The following EFNA5 variants were observed in gnomAD, a reference collection of about 807,000 sequenced individuals.
EFNA5 encodes ephrin-A5.
EFNA5 carries 5 observed loss-of-function variants against 22.9 expected under a neutral mutation model. That is an observed-to-expected ratio of 0.22 (90% confidence interval 0.11 to 0.46). The LOEUF (loss-of-function observed/expected upper bound fraction) is 0.46. Among genes scored for constraint, EFNA5 ranks in the 20% least tolerant of loss-of-function variants. The pLI, the probability that EFNA5 is intolerant of heterozygous loss-of-function variation, is 0.99. For missense variants in EFNA5, 237 were observed against 293.3 expected, an observed-to-expected ratio of 0.81 and a Z score of 1.40; for synonymous variants, 113 against 112.2, an observed-to-expected ratio of 1.01 and a Z score of -0.04.
At chr5:107,441,738 G>A (rs890730135) in intron 1 of EFNA5, among the ~76,000 whole-genome samples, 1 of 152,120 alleles carries the variant, frequency 6.6e-6, no homozygotes, top group African/African-American at 2.4e-5. Flanking sequence ...GGTGCCTTCT[G>A]AATATAACTA....
At chr5:107,409,327 A>C (rs1748301020) in intron 2 of EFNA5, among the ~76,000 whole-genome samples, 1 of 152,204 alleles carries the variant, frequency 6.6e-6, no homozygotes, top group Admixed American at 6.5e-5. Flanking sequence ...CAACCATTAA[A>C]AGCACCAAGG....
intron 1 of EFNA5, among the ~76,000 whole-genome samples, chr5:107,604,904 C>G (rs928781324): frequency 7.2e-5 from 11 of 152,132 alleles, no homozygotes; most frequent in African/African-American, 2.4e-4. Context: ...CCACTGGCAC[C>G]TAACTAGGTT....
chr5:107,665,234 T>C (rs960215702), intron 1 of EFNA5, among the ~76,000 whole-genome samples: 5 of 152,186 alleles, frequency 3.3e-5, no homozygotes, highest in African/African-American at 7.2e-5. Context: ...GCTTGGTTCA[T>C]AGCAACAGGG....
intron 2 of EFNA5, among the ~76,000 whole-genome samples, chr5:107,400,991 A>T (rs1237398386): frequency 6.6e-6 from 1 of 152,218 alleles, no homozygotes; most frequent in Admixed American, 6.5e-5. Flanking sequence ...AGATTGATAA[A>T]TTACAATTAT....
At chr5:107,512,628 A>C (rs547541340) in intron 1 of EFNA5, among the ~76,000 whole-genome samples, 9 of 152,122 alleles carry the variant, frequency 5.9e-5, no homozygotes, top group Non-Finnish European at 1.3e-4. Flanking sequence ...CCAGAGCCAA[A>C]CACACACCAT....
chr5:107,624,266 A>G (rs781250330), intron 1 of EFNA5, among the ~76,000 whole-genome samples: 2 of 152,180 alleles, frequency 1.3e-5, no homozygotes, highest in African/African-American at 4.8e-5. Flanking sequence ...TCCGACCTGC[A>G]TAAGAAACAT....
intron 1 of EFNA5, among the ~76,000 whole-genome samples, chr5:107,587,872 C>T (rs1749222801): frequency 6.6e-6 from 1 of 152,114 alleles, no homozygotes; most frequent in South Asian, 2.1e-4. Flanking sequence ...GGTCACTACT[C>T]CCTTATATCT....
At chr5:107,564,931 G>A (rs1026364794) in intron 1 of EFNA5, among the ~76,000 whole-genome samples, 5 of 152,104 alleles carry the variant, frequency 3.3e-5, no homozygotes, top group Admixed American at 1.3e-4. Context: ...TACCCTCAGC[G>A]TGTGTGCTTG....
At chr5:107,435,943 A>T (rs1050879006) in intron 1 of EFNA5, among the ~76,000 whole-genome samples, 7 of 152,146 alleles carry the variant, frequency 4.6e-5, no homozygotes, top group African/African-American at 1.7e-4. Flanking sequence ...TTCTTGGCCA[A>T]ATATTTAGAA....
intron 2 of EFNA5, among the ~76,000 whole-genome samples, chr5:107,412,081 T>TA (rs1192021155): frequency 1.3e-5 from 2 of 151,882 alleles, no homozygotes; most frequent in African/African-American, 2.4e-5. Context: ...TGTGATGGGT[T>TA]AAAAAAAATA....
intron 1 of EFNA5, among the ~76,000 whole-genome samples, chr5:107,533,295 A>T (rs1396586381): frequency 6.6e-6 from 1 of 152,114 alleles, no homozygotes; most frequent in Non-Finnish European, 1.5e-5. Flanking sequence ...GTTAATCTAC[A>T]TTCCAAGCAC....
At chr5:107,636,835 G>T (rs968800080) in intron 1 of EFNA5, among the ~76,000 whole-genome samples, 18 of 152,202 alleles carry the variant, frequency 1.2e-4, no homozygotes, top group Non-Finnish European at 2.4e-4. Context: ...TTCTGGCAGG[G>T]CAGTGGCGTG....
chr5:107,591,517 A>T (rs1749323662), intron 1 of EFNA5, among the ~76,000 whole-genome samples: 2 of 151,922 alleles, frequency 1.3e-5, no homozygotes, highest in Admixed American at 6.6e-5. Flanking sequence ...AACCCATGGT[A>T]GATGCTTAAT....
intron 1 of EFNA5, among the ~76,000 whole-genome samples, chr5:107,535,345 A>G (rs1325535891): frequency 6.6e-6 from 1 of 152,254 alleles, no homozygotes; most frequent in Non-Finnish European, 1.5e-5. Flanking sequence ...ATTTGCCAGT[A>G]GTAGCAGATG....
intron 2 of EFNA5, among the ~76,000 whole-genome samples, chr5:107,406,583 T>G (rs922913700): frequency 1.3e-5 from 2 of 152,166 alleles, no homozygotes; most frequent in African/African-American, 4.8e-5. Context: ...ACAATAAGTA[T>G]GTTTTATATA....
intron 1 of EFNA5, among the ~76,000 whole-genome samples, chr5:107,498,866 C>A (rs1196516): frequency 6.6e-6 from 1 of 152,002 alleles, no homozygotes. Context: ...AGGGGATAGA[C>A]TACATATGGT....
At chr5:107,644,038 T>G (rs184333517) in intron 1 of EFNA5, among the ~76,000 whole-genome samples, 280 of 152,004 alleles carry the variant, frequency 1.8e-3, no homozygotes, top group Middle Eastern at 0.01. Flanking sequence ...AGAATTAGAG[T>G]AGCTCTCAGT....
intron 2 of EFNA5, among the ~76,000 whole-genome samples, chr5:107,405,808 A>G (rs1748193505): frequency 6.6e-6 from 1 of 151,578 alleles, no homozygotes; most frequent in Non-Finnish European, 1.5e-5. Flanking sequence ...CCCATACTCC[A>G]TAGCACCAAT....
intron 2 of EFNA5, among the ~76,000 whole-genome samples, chr5:107,397,317 G>A (rs1355539916): frequency 2.6e-5 from 4 of 152,120 alleles, no homozygotes; most frequent in African/African-American, 7.2e-5. Flanking sequence ...TTGGGAGGCC[G>A]AGGCAGGTGG....
Sources: allele counts gnomAD v4.1 joint callset (sites outside exome capture counted in the v4.1 genomes callset), GRCh38; gene constraint gnomAD v4.1.1; transcripts MANE v1.5; gene names NCBI Gene and HGNC (gene_info 2026-07-23, HGNC 2026-07-21).